Variants in RIMKLB observed in about 807,000 individuals in gnomAD.
The protein encoded by RIMKLB is ribosomal modification protein rimK like family member B.
RIMKLB carries 7 observed loss-of-function variants against 32.0 expected under a neutral mutation model. That is an observed-to-expected ratio of 0.22 (90% confidence interval 0.12 to 0.41). The LOEUF (loss-of-function observed/expected upper bound fraction) is 0.41. Among genes scored for constraint, RIMKLB ranks in the 10% least tolerant of loss-of-function variants. The probability of loss-of-function intolerance (pLI) is 1.00; values close to 1 mark genes in which losing one functional copy is unlikely to be tolerated. For missense variants in RIMKLB, 289 were observed against 498.7 expected (o/e 0.58, Z 4.00); for synonymous variants, 172 against 185.1 (o/e 0.93, Z 0.57).
intron 1 of RIMKLB, chr12:8,700,645 A>C (rs983739934): frequency 6.6e-6 from 1 of 152,230 alleles, no homozygotes; most frequent in Non-Finnish European, 1.5e-5. Context: ...CTTGCTGACA[A>C]CTGTTTTGGG....
chr12:8,673,022 C>T, the RIMKLB span, among the ~76,000 whole-genome samples: 1 of 152,192 alleles, frequency 6.6e-6, no homozygotes, highest in Non-Finnish European at 1.5e-5. Flanking sequence ...GCTGGAATTA[C>T]AGGTGCCCGC....
At position 8,774,852 on chromosome 12, in the gene RIMKLB, T is replaced by G; in HGVS notation, c.*1068T>G. ...ATGCCAGCGTTATATATTTGCATTT[T>G]TCACATTTTACGAGGGAGTATATGT... is the stretch of plus-strand genomic sequence containing the variant. On this transcript the variant is annotated 3_prime_UTR_variant, in exon 6 of 6. Transcript: ENST00000535829. 1 of 985,696 alleles carries G rather than the reference T, an allele frequency of 1.0e-6. No homozygotes were observed. The highest frequency in any genetic ancestry group is 1.2e-6 in the Non-Finnish European group (1 of 829,910). The allele number at this position is 985,696 out of a possible 1,614,324, so 61.1% of individuals were successfully genotyped here. A position where few individuals can be genotyped will look rare whatever the true frequency, so the allele number is the denominator to read the frequency against.
At chr12:8,716,141 A>G (rs781063111) in intron 2 of RIMKLB, among the ~76,000 whole-genome samples, 2 of 152,212 alleles carry the variant, frequency 1.3e-5, no homozygotes, top group African/African-American at 2.4e-5. Flanking sequence ...TCCTTATGAA[A>G]TCTAGTGGCT....
chr12:8,699,376 T>C (rs1943184962), intron 1 of RIMKLB, among the ~76,000 whole-genome samples: 1 of 152,214 alleles, frequency 6.6e-6, no homozygotes, highest in Admixed American at 6.5e-5. Flanking sequence ...TTCACAATAT[T>C]GGGTACCTTA....
intron 2 of RIMKLB, among the ~76,000 whole-genome samples, chr12:8,737,748 C>G (rs1947142919): frequency 6.6e-6 from 1 of 152,118 alleles, no homozygotes; most frequent in Admixed American, 6.5e-5. Context: ...GAGTTTCACT[C>G]TTGTTGCCCA....
the RIMKLB span, among the ~76,000 whole-genome samples, chr12:8,671,407 C>T: frequency 6.6e-6 from 1 of 152,078 alleles, no homozygotes; most frequent in Non-Finnish European, 1.5e-5. Context: ...TGTGCCACCA[C>T]CTCAGATAAT....
intron 2 of RIMKLB, among the ~76,000 whole-genome samples, chr12:8,722,886 A>G (rs1945604161): frequency 6.6e-6 from 1 of 152,238 alleles, no homozygotes; most frequent in Non-Finnish European, 1.5e-5. Context: ...CACCTCCGTC[A>G]GCCTTCAAAG....
At chr12:8,752,493 A>G (rs1341798413) in intron 4 of RIMKLB, among the ~76,000 whole-genome samples, 1 of 151,400 alleles carries the variant, frequency 6.6e-6, no homozygotes, top group Non-Finnish European at 1.5e-5. Flanking sequence ...CGGAGGTTGC[A>G]GTGAGCCGAG....
rs751711000 is a variant in RIMKLB at position 8,685,561 on chromosome 12, C to T, written n.219+3743C>T. ...TTCTTTTTATTAAATTGTTGCATTC[C>T]GTTTGCTAATATTTTGAGGATTTTT... On this transcript the variant is annotated intron_variant and non_coding_transcript_variant, in intron 1 of 1. Transcript: ENST00000538758. 1.1e-4 allele frequency among the ~76,000 whole-genome samples: 16 copies of T among 148,886 alleles called. No individual in the cohort carries two copies. In the South Asian group the frequency reaches 1.7e-3, roughly 16 times the overall value.
upstream of RIMKLB, among the ~76,000 whole-genome samples, chr12:8,678,329 T>C (rs1027371952): frequency 6.6e-6 from 1 of 150,650 alleles, no homozygotes; most frequent in African/African-American, 2.5e-5. Context: ...CTTTCTTTTT[T>C]TCTTTTCTTT....
chr12:8,691,441 C>T (rs1942730425), intron 1 of RIMKLB, among the ~76,000 whole-genome samples: 1 of 151,936 alleles, frequency 6.6e-6, no homozygotes, highest in South Asian at 2.1e-4. Context: ...AGACCCCCAT[C>T]TCTACTAAAA....
rs746850279 is a variant in RIMKLB, at chr12:8,713,910, G to A, written c.44G>A (p.Arg15His). The A allele has an allele frequency of 8.1e-6, 13 of 1,613,978 alleles. No individual in the cohort carries two copies. Among genetic ancestry groups the A allele is most frequent in the South Asian group, 3.3e-5 (3 of 91,088 alleles). The change falls in exon 2 of 6, where the codon CGT becomes CAT. Residue 15 changes from arginine to histidine, a missense_variant. Transcript: ENST00000535829. ...VAAKLWFLTD[R>H]RIREDYPQKE... The stretch of plus-strand genomic sequence containing the variant: ...GCCAAGTTGTGGTTTTTGACAGATC[G>A]TCGCATCAGGGAAGACTATCCTCAA...
At chr12:8,727,734 A>C (rs1946165239) in intron 2 of RIMKLB, among the ~76,000 whole-genome samples, 1 of 152,010 alleles carries the variant, frequency 6.6e-6, no homozygotes, top group Non-Finnish European at 1.5e-5. Flanking sequence ...CCCTGTCTCT[A>C]CTAAAAATAT....
At chr12:8,751,813 C>A in intron 3 of RIMKLB, 144 bp from the exon 4 acceptor site, 1 of 607,184 alleles carries the variant, frequency 1.6e-6, no homozygotes, top group Non-Finnish European at 3.0e-6. Context: ...TCAACTTACA[C>A]ATACTTTCTC....
At chr12:8,711,114 A>G (rs978978991) in intron 1 of RIMKLB, among the ~76,000 whole-genome samples, 2 of 152,078 alleles carry the variant, frequency 1.3e-5, no homozygotes, top group Non-Finnish European at 2.9e-5. Flanking sequence ...GGCATCTGTA[A>G]TCCCAGCTAC....
chr12:8,758,866 G>A (rs1401086263), intron 5 of RIMKLB, among the ~76,000 whole-genome samples: 5 of 152,018 alleles, frequency 3.3e-5, no homozygotes, highest in African/African-American at 4.8e-5. Context: ...CTATTGTATC[G>A]TGCTTTTTAT....
downstream of RIMKLB, chr12:8,777,902 C>G (rs1343904137): frequency 1.1e-5 from 2 of 184,000 alleles, no homozygotes; most frequent in African/African-American, 4.8e-5. Flanking sequence ...ATGGGTTTGT[C>G]ATAATTCTCA....
chr12:8,750,577 G>A (rs1449778058), intron 3 of RIMKLB, among the ~76,000 whole-genome samples: 1 of 151,266 alleles, frequency 6.6e-6, no homozygotes, highest in African/African-American at 2.4e-5. Flanking sequence ...TTTAAAGAAA[G>A]TAACACTTTA....
downstream of RIMKLB, among the ~76,000 whole-genome samples, chr12:8,778,687 C>G (rs971671539): frequency 3.9e-5 from 6 of 152,208 alleles, no homozygotes; most frequent in African/African-American, 1.4e-4. Flanking sequence ...TTCTCCTATA[C>G]TTCCTAAAGT....
Sources: gnomAD v4.1 joint callset for allele counts (sites outside exome capture counted in the v4.1 genomes callset) on GRCh38, gnomAD v4.1.1 for gene constraint, MANE v1.5 for transcripts, NCBI Gene and HGNC (gene_info 2026-07-23, HGNC 2026-07-21) for gene names.